SDK2: variants seen among roughly 807,000 people sequenced by gnomAD.
SDK2 encodes protein sidekick-2.
Under a neutral mutation model 253.9 loss-of-function variants are expected in SDK2, and 105 were observed. The ratio of observed to expected loss-of-function variants is 0.41; its 90% CI spans 0.35 to 0.49. SDK2 has a LOEUF of 0.49. Among genes scored for constraint, SDK2 ranks in the 20% least tolerant of loss-of-function variants. The pLI, the probability that SDK2 is intolerant of heterozygous loss-of-function variation, is 0.06. For missense variants in SDK2, 2,608 were observed against 3,003.0 expected (o/e 0.87, Z 3.07); for synonymous variants, 1,249 against 1,234.9 (o/e 1.01, Z -0.24).
At chr17:73,422,534 G>T in intron 14 of SDK2, 100 bp from the exon 15 acceptor site, 3 of 1,340,174 alleles carry the variant, frequency 2.2e-6, no homozygotes, top group South Asian at 1.3e-5. Context: ...ACTGGGGCTG[G>T]CAAGAGAGAG....
Position 73,476,940 on chromosome 17 carries a change from C to T in SDK2, c.225-4722G>A, listed in dbSNP as rs1457636584. On this transcript the variant is annotated intron_variant, in intron 2 of 44. Coordinates refer to ENST00000392650, the MANE Select transcript of SDK2 (RefSeq NM_001144952.2). ...GTACAACCTCTCTCCCGCTCCTCCG[C>T]CTCCGTTTCTTTGGGCTGTCTCTTT... 2.0e-5 allele frequency among the ~76,000 whole-genome samples: 3 copies of T among 152,340 alleles called. No individual in the cohort carries two copies. The South Asian group carries it at 6.2e-4, about 32-fold the overall frequency.
Position 73,644,005 on chromosome 17 carries a change from A to T in SDK2, c.64+20T>A. 1 of 866,550 alleles carries T rather than the reference A, an allele frequency of 1.2e-6. No individual in the cohort carries two copies. Among genetic ancestry groups the T allele is most frequent in the Non-Finnish European group, 1.5e-6 (1 of 658,278 alleles). The allele number at this position is 866,550 out of a possible 1,614,324, so 53.7% of individuals were successfully genotyped here. On this transcript the variant is annotated intron_variant, in intron 1 of 44. Transcript: ENST00000392650. The surrounding 1 kb of genome is among the most constrained non-coding windows in gnomAD (Gnocchi z 6.3). ...CTCTCCCAGCCCCCTCCCTGTCCCCACGTGGGGGTCCCTCCTTACCTTGGG... is the reference window on the plus strand; with the variant it reads ...CTCTCCCAGCCCCCTCCCTGTCCCCTCGTGGGGGTCCCTCCTTACCTTGGG...
intron 18 of SDK2, among the ~76,000 whole-genome samples, chr17:73,411,829 T>C (rs1188244061): frequency 6.7e-6 from 1 of 148,412 alleles, no homozygotes; most frequent in African/African-American, 2.5e-5. Context: ...TGGAGTGTAG[T>C]GGCAGAATCT....
At chr17:73,533,691 A>AC (rs950432548) in intron 1 of SDK2, among the ~76,000 whole-genome samples, 14 of 32,492 alleles carry the variant, frequency 4.3e-4, no homozygotes, top group African/African-American at 9.9e-4. Flanking sequence ...CCACCCCCCC[A>AC]CCCCCCCAGA....
intron 5 of SDK2, among the ~76,000 whole-genome samples, chr17:73,445,583 G>A (rs763787482): frequency 2.0e-5 from 3 of 152,162 alleles, no homozygotes; most frequent in Non-Finnish European, 4.4e-5. Flanking sequence ...AGTCCAGGAG[G>A]GATGGAGGAA....
At position 73,369,371 on chromosome 17, in the gene SDK2, T is replaced by TA. The variant is rs2062715345; in HGVS notation, c.4981-779dup. Among the ~76,000 whole-genome samples the TA allele has an allele frequency of 2.0e-5, 3 of 152,294 alleles. No homozygotes were observed. The South Asian group carries it at 6.2e-4, about 32-fold the overall frequency. ...GCCCGCTGCACCAGCAGCTGCTGGT[T>TA]AACAGGAACAAGGCCCGCTGCAGAG... On this transcript the variant is annotated intron_variant, in intron 36 of 44. Transcript: ENST00000392650.
intron 1 of SDK2, among the ~76,000 whole-genome samples, chr17:73,619,023 T>A (rs1198234684): frequency 6.6e-6 from 1 of 151,972 alleles, no homozygotes; most frequent in African/African-American, 2.4e-5. Context: ...AAAAATTAGC[T>A]GAGTGTGGTG....
intron 1 of SDK2, among the ~76,000 whole-genome samples, chr17:73,567,841 A>G (rs964636055): frequency 3.3e-5 from 5 of 152,242 alleles, no homozygotes; most frequent in Admixed American, 6.5e-5. Context: ...CTGTACCACC[A>G]TTGTATCTTG....
At chr17:73,547,629 G>T (rs2044986421) in intron 1 of SDK2, among the ~76,000 whole-genome samples, 1 of 152,190 alleles carries the variant, frequency 6.6e-6, no homozygotes, top group African/African-American at 2.4e-5. Context: ...ACACCATGAA[G>T]ATGTTCAGAA....
chr17:73,449,671 A>G (rs2063477919), intron 4 of SDK2, among the ~76,000 whole-genome samples: 1 of 141,490 alleles, frequency 7.1e-6, no homozygotes, highest in Non-Finnish European at 1.5e-5. Flanking sequence ...CTGTAATCCC[A>G]GCATTTTGGG....
At chr17:73,523,289 T>C (rs577721092) in intron 1 of SDK2, among the ~76,000 whole-genome samples, 1 of 151,906 alleles carries the variant, frequency 6.6e-6, no homozygotes, top group African/African-American at 2.4e-5. Flanking sequence ...GAGACCAAGC[T>C]TCCCCTCTTG....
chr17:73,499,518 C>T (rs2063869107), intron 2 of SDK2, among the ~76,000 whole-genome samples: 1 of 152,246 alleles, frequency 6.6e-6, no homozygotes. Context: ...TGGTCTCACA[C>T]CCTCACGCTT....
chr17:73,581,452 G>A (rs954426423), intron 1 of SDK2, among the ~76,000 whole-genome samples: 1 of 152,380 alleles, frequency 6.6e-6, no homozygotes, highest in East Asian at 1.9e-4. Context: ...GGCACACAGA[G>A]AATCTGGGTC....
intron 12 of SDK2, among the ~76,000 whole-genome samples, chr17:73,426,107 C>T (rs192369668): frequency 7.7e-4 from 115 of 149,802 alleles, no homozygotes; most frequent in African/African-American, 2.6e-3. Flanking sequence ...TGCAGTGGTG[C>T]GATCTTGGCT....
At chr17:73,562,794 C>A (rs1293222853) in intron 1 of SDK2, among the ~76,000 whole-genome samples, 1 of 152,210 alleles carries the variant, frequency 6.6e-6, no homozygotes, top group Non-Finnish European at 1.5e-5. Flanking sequence ...GCTGGAAATG[C>A]CACGTCTGCG....
chr17:73,524,951 G>A (rs1215937714), intron 1 of SDK2, among the ~76,000 whole-genome samples: 2 of 152,234 alleles, frequency 1.3e-5, no homozygotes, highest in Non-Finnish European at 2.9e-5. Context: ...ATGGACTTGG[G>A]CTGCCTGGGA....
rs375688906 is a variant in SDK2, at chr17:73,395,180, C to T, written c.3567G>A (p.Thr1189=). ...CTGACTCCCGGGTCCTGCCCACCACCGTCTGGCTCCAGGGCCCGCTCCCGA... is the reference window on the plus strand; with the variant it reads ...CTGACTCCCGGGTCCTGCCCACCACTGTCTGGCTCCAGGGCCCGCTCCCGA... ...NAIGSGPWSQ[T]VVGRTRESVP... Residue 1189 remains threonine (T), a synonymous_variant, in exon 25 of 45, where the codon ACG becomes ACA. Coordinates refer to ENST00000392650, the MANE Select transcript of SDK2 (RefSeq NM_001144952.2). The surrounding 1 kb of genome is among the most constrained non-coding windows in gnomAD (Gnocchi z 4.3). 5.2e-5 allele frequency: 84 copies of T among 1,603,482 alleles called. No homozygotes were observed. The highest frequency in any genetic ancestry group is 5.1e-4 in the South Asian group (46 of 89,432).
intron 1 of SDK2, among the ~76,000 whole-genome samples, chr17:73,604,098 G>A (rs996098662): frequency 6.6e-5 from 10 of 152,384 alleles, no homozygotes; most frequent in African/African-American, 1.2e-4. Flanking sequence ...CAGCGCCAGC[G>A]TCAGCCTTCC....
In SDK2 at chr17:73,438,173, G is replaced by C; in HGVS notation, c.726-19C>G. The C allele has an allele frequency of 1.3e-6, 2 of 1,545,066 alleles. No individual in the cohort carries two copies. Among genetic ancestry groups the C allele is most frequent in the Non-Finnish European group, 1.8e-6 (2 of 1,142,334 alleles). The stretch of plus-strand genomic sequence containing the variant: ...CAGGGGCCTGCAGAGGGCAAGGGAA[G>C]GCCAGTGTTCAGCCATGAGGACTCC... On this transcript the variant is annotated intron_variant, in intron 6 of 44. Transcript: ENST00000392650.
Sources: gnomAD v4.1 joint callset for allele counts (sites outside exome capture counted in the v4.1 genomes callset) on GRCh38, gnomAD v4.1.1 for gene constraint, Gnocchi (gnomAD v3.1) non-coding constraint, MANE v1.5 for transcripts, NCBI Gene and HGNC (gene_info 2026-07-23, HGNC 2026-07-21) for gene names.